The following NUP133 variants were observed in gnomAD, a reference collection of about 807,000 sequenced individuals.
NUP133 encodes the protein nuclear pore complex protein Nup133.
Under a neutral mutation model 146.2 loss-of-function variants are expected in NUP133, and 66 were observed. The observed-to-expected ratio is 0.45, with a 90% CI of 0.37 to 0.55. The LOEUF is 0.55. NUP133 is among the 20% of genes least tolerant of loss of function. The pLI is 0.00. For synonymous variants in NUP133, 521 were observed against 498.8 expected, an observed-to-expected ratio of 1.04 and a Z score of -0.59; for missense variants, 1,277 against 1,374.8, an observed-to-expected ratio of 0.93 and a Z score of 1.12.
At chr1:229,462,585 A>AG (rs139879528) in intron 19 of NUP133, among the ~76,000 whole-genome samples, 5,984 of 151,858 alleles carry the variant, frequency 0.039, 394 homozygotes, top group African/African-American at 0.14. Flanking sequence ...TTTTAAAGAT[A>AG]GGTCTTCCTC....
intron 14 of NUP133, among the ~76,000 whole-genome samples, chr1:229,472,699 T>G (rs1252119389): frequency 1.5e-5 from 2 of 131,920 alleles, no homozygotes; most frequent in African/African-American, 7.1e-5. Context: ...ATTAAAAAAC[T>G]AAATATACAT....
rs748634904 is a variant in NUP133 at position 229,460,724 on chromosome 1, G to T, written c.2731C>A (p.Arg911=). 1.9e-6 allele frequency: 3 copies of T among 1,613,498 alleles called. No individual in the cohort carries two copies. The Admixed American group carries it at 5.0e-5, about 27-fold the overall frequency. Reference sequence around the variant, plus strand: ...ATGGGCTGAGATAATAATTTGCCTCGCTTTCCTTTCTCCAGATACCAACGG... The same window carrying T: ...ATGGGCTGAGATAATAATTTGCCTCTCTTTCCTTTCTCCAGATACCAACGG... ...LFRWYLEKGK[R]GKLLSQPISQ... Residue 911 remains arginine (R), a synonymous_variant, in exon 20 of 26, where the codon CGA becomes AGA. Coordinates refer to ENST00000261396, the MANE Select transcript of NUP133 (RefSeq NM_018230.3).
chr1:229,472,732 A>ATATATAT (rs1269410536), intron 14 of NUP133, among the ~76,000 whole-genome samples: 9 of 146,756 alleles, frequency 6.1e-5, no homozygotes, highest in East Asian at 2.0e-4. Flanking sequence ...ATATATGTAC[A>ATATATAT]ATCATTCTAG....
Position 229,449,851 on chromosome 1 carries a change from TTATATATA to T in NUP133, c.3180+666_3181-662del, listed in dbSNP as rs1444482309. ...TCTTAGGATGAATACTATGAAGATT[TTATATATA>T]TATATATATATATATTTTTTTTTTT... On this transcript the variant is annotated intron_variant, in intron 23 of 25. Coordinates refer to ENST00000261396, the MANE Select transcript of NUP133 (RefSeq NM_018230.3). Among the ~76,000 whole-genome samples, 7 of 67,652 alleles carry T rather than the reference TTATATATA, an allele frequency of 1.0e-4. No homozygotes were observed. The East Asian group carries it at 1.1e-3, about 10-fold the overall frequency. The allele number at this position is 67,652 out of a possible 152,430, so 44.4% of individuals were successfully genotyped here. A position where few individuals can be genotyped will look rare whatever the true frequency, so the allele number is the denominator to read the frequency against.
At chr1:229,499,575 C>T (rs113477392) in intron 5 of NUP133, 109 bp downstream of exon 5, 7 of 1,196,668 alleles carry the variant, frequency 5.8e-6, no homozygotes, top group Middle Eastern at 2.8e-4. Flanking sequence ...TTGAGAATTG[C>T]CTGGGCAACA....
intron 14 of NUP133, among the ~76,000 whole-genome samples, chr1:229,474,535 C>A (rs1308957499): frequency 1.3e-5 from 2 of 152,204 alleles, no homozygotes; most frequent in East Asian, 3.9e-4. Flanking sequence ...ACAATCAAGT[C>A]ATTTCTGAAA....
chr1:229,460,497 T>C (rs1365912643), intron 20 of NUP133, 114 bp downstream of exon 20: 4 of 1,040,698 alleles, frequency 3.8e-6, no homozygotes, highest in African/African-American at 1.6e-5. Flanking sequence ...TTTTGGATAG[T>C]AACCCCTTCT....
chr1:229,486,512 A>T lies in NUP133; in HGVS notation c.1359T>A (p.Gly453=). Residue 453 remains glycine (G), a synonymous_variant, in exon 11 of 26, where the codon GGT becomes GGA. Coordinates refer to ENST00000261396, the MANE Select transcript of NUP133 (RefSeq NM_018230.3). ...VFNAQGDSVL[G]AGACGGVPII... ...TAGGAACACCACCACAGGCACCAGCACCTAAAACACTATCTCCTAAAAGAA... is the reference window on the plus strand; with the variant it reads ...TAGGAACACCACCACAGGCACCAGCTCCTAAAACACTATCTCCTAAAAGAA... 6.2e-7 allele frequency: 1 copy of T among 1,607,306 alleles called. No individual in the cohort carries two copies. Among genetic ancestry groups the T allele is most frequent in the Middle Eastern group, 1.7e-4 (1 of 6,046 alleles).
chr1:229,477,651 G>C lies in NUP133; in HGVS notation c.1702C>G (p.Leu568Val). 1 of 1,613,990 alleles carries C rather than the reference G, an allele frequency of 6.2e-7. No individual in the cohort carries two copies. Among genetic ancestry groups the C allele is most frequent in the East Asian group, 2.2e-5 (1 of 44,874 alleles). The change falls in exon 13 of 26, where the codon CTG (leucine) becomes GTG (valine). Residue 568 changes from leucine to valine, a missense_variant. By Grantham distance (32) the Leu-to-Val change is conservative (BLOSUM62 1). This residue lies in a region of NUP133 where 952 missense variants were observed against 1,047.0 expected (regional missense o/e 0.91). Coordinates refer to ENST00000261396, the MANE Select transcript of NUP133 (RefSeq NM_018230.3). Reference protein sequence around the residue: ...DRAVTQISVDLMDDYPASDPR... With the variant: ...DRAVTQISVDVMDDYPASDPR... ...TCAGATGCTGGGTAGTCATCCATCA[G>C]GTCTACACTGATTTGGGTAACTGCC...
chr1:229,482,217 T>C (rs1661232114), intron 12 of NUP133, among the ~76,000 whole-genome samples: 1 of 152,098 alleles, frequency 6.6e-6, no homozygotes, highest in African/African-American at 2.4e-5. Context: ...GTACAGAATG[T>C]TAGAACTGTA....
intron 12 of NUP133, among the ~76,000 whole-genome samples, chr1:229,483,714 A>C (rs1286725568): frequency 6.6e-6 from 1 of 150,442 alleles, no homozygotes; most frequent in African/African-American, 2.5e-5. Flanking sequence ...AAAAAAAAAA[A>C]AAAAAAACTT....
rs1183230450 is a variant in NUP133 at position 229,508,277 on chromosome 1, C to A, written c.-28G>T. 7.1e-7 allele frequency: 1 copy of A among 1,415,432 alleles called. No individual in the cohort carries two copies. The highest frequency in any genetic ancestry group is 9.3e-7 in the Non-Finnish European group (1 of 1,077,086). 87.7% of individuals were successfully genotyped at this position (1,415,432 alleles called of 1,614,324 possible). ...CTCCAAGGAGCAGCGACTAGGACAG[C>A]GAGGGATCTGGCCGTCAGGTTGCAG... On this transcript the variant is annotated 5_prime_UTR_variant, in exon 1 of 26. Transcript: ENST00000261396.
At chr1:229,465,580 GATA>G in intron 16 of NUP133, 61 bp from the exon 17 acceptor site, 1 of 1,252,952 alleles carries the variant, frequency 8.0e-7, no homozygotes, top group East Asian at 2.3e-5. Flanking sequence ...TATTTCTGAA[GATA>G]ATTTAAGACA....
At chr1:229,503,343 TAAC>T (rs1386718805) in intron 2 of NUP133, among the ~76,000 whole-genome samples, 2 of 152,130 alleles carry the variant, frequency 1.3e-5, no homozygotes, top group East Asian at 3.9e-4. Flanking sequence ...GTAAAACAAA[TAAC>T]AAACTCATTA....
Position 229,466,670 on chromosome 1 carries a change from C to G in NUP133, c.2163G>C (p.Trp721Cys), listed in dbSNP as rs759466043. ...LRDAPMDSIE[W>C]AEVVINVNNI... ...TGTTCACATTGATCACCACTTCAGC[C>G]CATTCAATGGAATCCATAGGTGCAT... The change falls in exon 16 of 26, where the codon TGG (tryptophan) becomes TGC (cysteine). Residue 721 changes from tryptophan (W) to cysteine (C), a missense_variant. Trp to Cys is a radical substitution (Grantham distance 215, BLOSUM62 -2). Transcript: ENST00000261396. 5 of 1,613,976 alleles carry G rather than the reference C, an allele frequency of 3.1e-6. No homozygotes were observed. Among genetic ancestry groups the G allele is most frequent in the Non-Finnish European group, 4.2e-6 (5 of 1,179,938 alleles).
At chr1:229,472,146 C>T (rs1370215472) in intron 14 of NUP133, among the ~76,000 whole-genome samples, 4 of 151,764 alleles carry the variant, frequency 2.6e-5, no homozygotes, top group African/African-American at 7.3e-5. Context: ...AGTGAAACCC[C>T]GTCTCTACTA....
At chr1:229,468,051 A>G (rs1196126868) in intron 15 of NUP133, among the ~76,000 whole-genome samples, 1 of 152,198 alleles carries the variant, frequency 6.6e-6, no homozygotes, top group Non-Finnish European at 1.5e-5. Context: ...AATATTGCTC[A>G]TATGCCGTGT....
intron 12 of NUP133, among the ~76,000 whole-genome samples, chr1:229,481,925 G>C (rs1661221984): frequency 1.3e-5 from 2 of 152,178 alleles, no homozygotes; most frequent in Non-Finnish European, 2.9e-5. Flanking sequence ...GTTGTTTGAA[G>C]CTCCTGGCTT....
intron 14 of NUP133, among the ~76,000 whole-genome samples, chr1:229,471,295 G>A (rs1660949581): frequency 6.6e-6 from 1 of 152,070 alleles, no homozygotes; most frequent in African/African-American, 2.4e-5. Flanking sequence ...TTTTTGTAGA[G>A]ATGGGGTCTC....
Sources: allele counts gnomAD v4.1 joint callset (sites outside exome capture counted in the v4.1 genomes callset), GRCh38; gene constraint gnomAD v4.1.1; regional missense constraint gnomAD v4.1.1; transcripts MANE v1.5; gene names NCBI Gene and HGNC (gene_info 2026-07-23, HGNC 2026-07-21).